The following MGAT5 variants were observed in gnomAD, a reference collection of about 807,000 sequenced individuals.
MGAT5 encodes alpha-1,6-mannosylglycoprotein 6-beta-N-acetylglucosaminyltransferase A.
A neutral mutation model predicts 94.3 loss-of-function variants in MGAT5; 30 were observed. That is an observed-to-expected ratio of 0.32 (90% CI 0.24 to 0.43). The LOEUF (loss-of-function observed/expected upper bound fraction) is 0.43. MGAT5 is among the 20% of genes least tolerant of loss of function. The pLI is 1.00. For synonymous variants in MGAT5, 310 were observed against 322.9 expected (o/e 0.96, Z 0.43); for missense variants, 691 against 905.5 (o/e 0.76, Z 3.04).
At position 134,448,964 on chromosome 2, in the gene MGAT5, G is replaced by A. The variant is rs1237950671; in HGVS notation, c.*117G>A. On this transcript the variant is annotated 3_prime_UTR_variant, in exon 16 of 16. Coordinates refer to ENST00000281923, the MANE Select transcript of MGAT5 (RefSeq NM_002410.5). ...CTCTGGCAAGAGCCTGAACTTTTTC[G>A]TAGAAGGTTCTGAATTGGCATTGCC... 2.0e-5 allele frequency: 22 copies of A among 1,087,790 alleles called. No homozygotes were observed. Among genetic ancestry groups the A allele is most frequent in the Middle Eastern group, 5.9e-4 (2 of 3,366 alleles). The allele number at this position is 1,087,790 out of a possible 1,614,324, so 67.4% of individuals were successfully genotyped here.
chr2:134,335,556 A>G (rs1483012172), intron 4 of MGAT5, among the ~76,000 whole-genome samples: 1 of 150,974 alleles, frequency 6.6e-6, no homozygotes, highest in Non-Finnish European at 1.5e-5. Flanking sequence ...AACCTTATTC[A>G]TTGACAGAAC....
At chr2:134,443,840 T>C (rs1685627398) in intron 15 of MGAT5, among the ~76,000 whole-genome samples, 1 of 152,206 alleles carries the variant, frequency 6.6e-6, no homozygotes, top group Non-Finnish European at 1.5e-5. Flanking sequence ...GACTAGGGAC[T>C]GTCTGCATAA....
intron 15 of MGAT5, among the ~76,000 whole-genome samples, chr2:134,447,242 C>G (rs1574123231): frequency 6.6e-6 from 1 of 152,160 alleles, no homozygotes; most frequent in Non-Finnish European, 1.5e-5. Flanking sequence ...AAAAATGAGA[C>G]TTCCATGAAC....
At chr2:134,133,230 T>G (rs528309530) in intron 1 of MGAT5, among the ~76,000 whole-genome samples, 2 of 152,366 alleles carry the variant, frequency 1.3e-5, no homozygotes, top group South Asian at 4.1e-4. Flanking sequence ...TTAGAGACAT[T>G]AAATCATGGA....
intron 1 of MGAT5, among the ~76,000 whole-genome samples, chr2:134,178,009 G>A (rs1295099777): frequency 6.6e-6 from 1 of 152,116 alleles, no homozygotes. Context: ...AACTTAAATA[G>A]CTGTAATATT....
At chr2:134,139,728 CAG>C (rs1368765550) in intron 1 of MGAT5, among the ~76,000 whole-genome samples, 2 of 152,164 alleles carry the variant, frequency 1.3e-5, no homozygotes, top group Admixed American at 1.3e-4. Flanking sequence ...AGTTTCATAA[CAG>C]AGTGGTTCTG....
At chr2:134,312,966 G>A (rs959015895) in intron 2 of MGAT5, among the ~76,000 whole-genome samples, 3 of 150,836 alleles carry the variant, frequency 2.0e-5, no homozygotes, top group South Asian at 2.1e-4. Context: ...TGAGACCGCC[G>A]TACCAACTTC....
chr2:134,174,570 C>T (rs1030347624), intron 1 of MGAT5, among the ~76,000 whole-genome samples: 13 of 152,216 alleles, frequency 8.5e-5, no homozygotes, highest in African/African-American at 3.1e-4. Context: ...TGTTAATCAA[C>T]AAATGCAGAG....
intron 15 of MGAT5, among the ~76,000 whole-genome samples, chr2:134,446,903 G>A (rs568839058): frequency 6.6e-6 from 1 of 152,340 alleles, no homozygotes; most frequent in South Asian, 2.1e-4. Flanking sequence ...CTGAGCAGGA[G>A]CCAGGCTGAC....
chr2:134,189,604 T>TTTGTTTTG (rs1221722320), intron 1 of MGAT5, among the ~76,000 whole-genome samples: 2 of 105,810 alleles, frequency 1.9e-5, no homozygotes, highest in African/African-American at 9.0e-5. Flanking sequence ...TTTTTTTTGT[T>TTTGTTTTG]TTTTTTTTTT....
At chr2:134,194,853 AT>A (rs1268968339) in intron 1 of MGAT5, among the ~76,000 whole-genome samples, 1 of 152,080 alleles carries the variant, frequency 6.6e-6, no homozygotes, top group Non-Finnish European at 1.5e-5. Context: ...CCTTCTTGAT[AT>A]TTGGTATTTT....
intron 2 of MGAT5, among the ~76,000 whole-genome samples, chr2:134,290,141 A>G (rs975486428): frequency 2.0e-5 from 3 of 152,164 alleles, no homozygotes; most frequent in African/African-American, 7.2e-5. Flanking sequence ...TGATAGTCCT[A>G]CTCGTGTGTT....
chr2:134,281,135 A>G (rs1684667548), intron 2 of MGAT5, among the ~76,000 whole-genome samples: 1 of 152,124 alleles, frequency 6.6e-6, no homozygotes. Context: ...GCTCTGTGCA[A>G]TGGCGGTAGT....
At chr2:134,184,418 C>A (rs961290823) in intron 1 of MGAT5, among the ~76,000 whole-genome samples, 1 of 152,032 alleles carries the variant, frequency 6.6e-6, no homozygotes, top group African/African-American at 2.4e-5. Context: ...TAGTTCTGCT[C>A]TGGGCATGTG....
chr2:134,277,136 C>T (rs942984254), intron 2 of MGAT5, among the ~76,000 whole-genome samples: 4 of 152,106 alleles, frequency 2.6e-5, no homozygotes, highest in Admixed American at 6.5e-5. Context: ...CAGACTGGCT[C>T]GGTTCAAATA....
intron 1 of MGAT5, among the ~76,000 whole-genome samples, chr2:134,186,832 GATGA>G (rs1005870367): frequency 3.3e-5 from 5 of 152,228 alleles, no homozygotes; most frequent in African/African-American, 1.2e-4. Flanking sequence ...GAGGTACAGT[GATGA>G]ATAAAGGCAG....
rs367648053 is a variant in MGAT5, at chr2:134,228,053, AG to A, written c.-142-26208del. 4.0e-4 allele frequency among the ~76,000 whole-genome samples: 61 copies of A among 152,354 alleles called. No homozygotes were observed. In the East Asian group the frequency reaches 0.011, roughly 28 times the overall value. On this transcript the variant is annotated intron_variant, in intron 1 of 16. Transcript: ENST00000409645. ...ACCACAAAATGGGACAAATTTTTACAGAAGGAGCAATCTTTTTGATAAAAGA... is the reference window on the plus strand; with the variant it reads ...ACCACAAAATGGGACAAATTTTTACAAAGGAGCAATCTTTTTGATAAAAGA...
chr2:134,303,626 C>T (rs2105834926), intron 2 of MGAT5, among the ~76,000 whole-genome samples: 1 of 152,254 alleles, frequency 6.6e-6, no homozygotes, highest in Non-Finnish European at 1.5e-5. Context: ...TAAACTGTGG[C>T]TGCCCTGCAG....
rs76804715 is a variant in MGAT5, at chr2:134,242,166, C to G, written c.-142-12096C>G. ...AAACTCAAACCCCCATGATGTTGAA[C>G]TTTGAGCAGTGCAAGGTGTGTGTTG... On this transcript the variant is annotated intron_variant, in intron 1 of 16. Transcript: ENST00000409645. Among the ~76,000 whole-genome samples, 594 of 152,286 alleles carry G rather than the reference C, an allele frequency of 3.9e-3. 18 individuals are homozygous for G. The East Asian group carries it at 0.082, about 21-fold the overall frequency.
Sources: gnomAD v4.1 joint callset for allele counts (sites outside exome capture counted in the v4.1 genomes callset) on GRCh38, gnomAD v4.1.1 for gene constraint, MANE v1.5 for transcripts, NCBI Gene and HGNC (gene_info 2026-07-23, HGNC 2026-07-21) for gene names.